Variants in IFT56 observed in about 807,000 individuals in gnomAD.
The protein encoded by IFT56 is intraflagellar transport protein 56.
At chr7:139,164,470 G>T in the IFT56 span, among the ~76,000 whole-genome samples, 1 of 151,970 alleles carries the variant, frequency 6.6e-6, no homozygotes, top group African/African-American at 2.4e-5. Context: ...ACACAATAAG[G>T]GTTATGCTTT....
At chr7:139,191,249 C>T in the IFT56 span, 2 of 152,184 alleles carry the variant, frequency 1.3e-5, no homozygotes, top group Admixed American at 1.3e-4. Context: ...TATGCCAAAG[C>T]TTCTGTTTCC....
chr7:139,187,536 C>G, the IFT56 span: 181 of 1,613,796 alleles, frequency 1.1e-4, 2 homozygotes, highest in South Asian at 1.9e-3. Context: ...GGGAGAGAAC[C>G]CAAGTAAGTA....
At chr7:139,149,933 A>G in the IFT56 span, among the ~76,000 whole-genome samples, 1 of 152,104 alleles carries the variant, frequency 6.6e-6, no homozygotes, top group African/African-American at 2.4e-5. Flanking sequence ...GTAGATACAT[A>G]CATAGATATA....
chr7:139,140,329 C>T, the IFT56 span, among the ~76,000 whole-genome samples: 1 of 152,184 alleles, frequency 6.6e-6, no homozygotes, highest in Admixed American at 6.5e-5. Flanking sequence ...GCTCTTATGG[C>T]TGTGGACTTT....
At chr7:139,152,825 C>T in the IFT56 span, among the ~76,000 whole-genome samples, 1 of 152,170 alleles carries the variant, frequency 6.6e-6, no homozygotes, top group African/African-American at 2.4e-5. Context: ...ACCATCACCA[C>T]AGTCAATCTT....
chr7:139,153,647 A>G, the IFT56 span, among the ~76,000 whole-genome samples: 2 of 152,206 alleles, frequency 1.3e-5, no homozygotes, highest in Non-Finnish European at 2.9e-5. Context: ...ATCATGTTGT[A>G]GCATCTATCA....
the IFT56 span, among the ~76,000 whole-genome samples, chr7:139,189,072 T>C: frequency 1.3e-5 from 2 of 152,170 alleles, no homozygotes; most frequent in Non-Finnish European, 2.9e-5. Context: ...AGTATGTATA[T>C]AGGTAGTATG....
At chr7:139,184,927 G>A in the IFT56 span, among the ~76,000 whole-genome samples, 108 of 151,688 alleles carry the variant, frequency 7.1e-4, 1 homozygote, top group African/African-American at 2.4e-3. Context: ...GGTGGCGGGC[G>A]CCTGTAGTCC....
chr7:139,178,373 C>A, the IFT56 span: 1 of 1,474,166 alleles, frequency 6.8e-7, no homozygotes, highest in Admixed American at 1.8e-5. Context: ...GATAAGATAC[C>A]CTTAGAGATG....
chr7:139,135,595 TA>T, the IFT56 span, among the ~76,000 whole-genome samples: 3 of 152,206 alleles, frequency 2.0e-5, no homozygotes, highest in African/African-American at 7.2e-5. Context: ...CTTAATAAGA[TA>T]TCGATTCCTG....
chr7:139,155,773 G>A, the IFT56 span, among the ~76,000 whole-genome samples: 167 of 151,820 alleles, frequency 1.1e-3, 2 homozygotes, highest in East Asian at 0.025. Context: ...TGGTATTGGG[G>A]TAATACTAGC....
At chr7:139,154,775 A>G in the IFT56 span, among the ~76,000 whole-genome samples, 1 of 151,910 alleles carries the variant, frequency 6.6e-6, no homozygotes, top group Non-Finnish European at 1.5e-5. Context: ...GCGGCCTCCT[A>G]ATTTGTTGTT....
At chr7:139,140,502 G>A in the IFT56 span, among the ~76,000 whole-genome samples, 1 of 152,112 alleles carries the variant, frequency 6.6e-6, no homozygotes, top group Non-Finnish European at 1.5e-5. Flanking sequence ...AAAGATGGCT[G>A]GGTGCGGTGG....
chr7:139,166,618 A>G, the IFT56 span, among the ~76,000 whole-genome samples: 1 of 152,134 alleles, frequency 6.6e-6, no homozygotes, highest in African/African-American at 2.4e-5. Context: ...CTTAGCTTCA[A>G]CAATTTTTAA....
chr7:139,166,783 T>G, the IFT56 span: 7 of 947,342 alleles, frequency 7.4e-6, no homozygotes, highest in African/African-American at 1.1e-4. Flanking sequence ...TTGGGAGGAC[T>G]GCTTCAGGAG....
chr7:139,136,176 C>T, the IFT56 span, among the ~76,000 whole-genome samples: 1 of 152,066 alleles, frequency 6.6e-6, no homozygotes, highest in Non-Finnish European at 1.5e-5. Flanking sequence ...CCACCTGCCT[C>T]GGCCTCCCAA....
the IFT56 span, among the ~76,000 whole-genome samples, chr7:139,143,954 T>C: frequency 6.6e-6 from 1 of 152,186 alleles, no homozygotes; most frequent in Admixed American, 6.5e-5. Context: ...CCTTAGATCA[T>C]TTAAACTCAT....
chr7:139,178,341 T>A, the IFT56 span: 3 of 1,547,476 alleles, frequency 1.9e-6, 1 homozygote, highest in South Asian at 3.4e-5. Flanking sequence ...ATATACAAAA[T>A]ACTATGGAAT....
chr7:139,184,984 G>A, the IFT56 span, among the ~76,000 whole-genome samples: 2 of 151,426 alleles, frequency 1.3e-5, no homozygotes, highest in Non-Finnish European at 2.9e-5. Flanking sequence ...AACCCGGGAG[G>A]TGGAGCTTGC....
Sources: allele counts gnomAD v4.1 joint callset (sites outside exome capture counted in the v4.1 genomes callset), GRCh38; gene constraint gnomAD v4.1.1; transcripts MANE v1.5; gene names NCBI Gene and HGNC (gene_info 2026-07-23, HGNC 2026-07-21).